VPS13C: variants seen among roughly 807,000 people sequenced by gnomAD.
VPS13C encodes vacuolar protein sorting 13 homolog C, also known as intermembrane lipid transfer protein VPS13C.
In VPS13C, 358 loss-of-function variants were observed where a neutral mutation model predicts 456.8. That is an observed-to-expected ratio of 0.78 (90% CI 0.72 to 0.86). VPS13C has a LOEUF of 0.86. Ranked by LOEUF, VPS13C falls within the 40% of genes least tolerant of loss-of-function variation. The pLI is 0.00. For missense variants in VPS13C, 4,818 were observed against 4,385.4 expected (o/e 1.10, Z -2.79); for synonymous variants, 1,578 against 1,486.7 (o/e 1.06, Z -1.41).
intron 44 of VPS13C, 31 bp downstream of exon 44, chr15:61,946,276 A>T: frequency 6.6e-7 from 1 of 1,512,088 alleles, no homozygotes; most frequent in Non-Finnish European, 9.0e-7. Context: ...GGCAAAATAA[A>T]TTCCAATATA....
At chr15:62,056,934 C>T (rs1255438260) in intron 1 of VPS13C, among the ~76,000 whole-genome samples, 3 of 152,078 alleles carry the variant, frequency 2.0e-5, no homozygotes, top group Non-Finnish European at 4.4e-5. Context: ...TGGAGATGAC[C>T]CACACTCTTT....
intron 27 of VPS13C, among the ~76,000 whole-genome samples, chr15:61,969,898 T>C (rs1452638176): frequency 6.6e-6 from 1 of 152,012 alleles, no homozygotes; most frequent in Non-Finnish European, 1.5e-5. Context: ...TAAAACGTGG[T>C]AATTTTTAAA....
intron 3 of VPS13C, among the ~76,000 whole-genome samples, chr15:62,035,811 T>C (rs963384580): frequency 2.0e-5 from 3 of 152,024 alleles, no homozygotes; most frequent in African/African-American, 7.2e-5. Context: ...CCTCCTGAGG[T>C]GAGCCCACAA....
At chr15:61,859,637 C>A (rs1174724522) in intron 82 of VPS13C, among the ~76,000 whole-genome samples, 1 of 152,146 alleles carries the variant, frequency 6.6e-6, no homozygotes, top group Non-Finnish European at 1.5e-5. Context: ...CTCCCTGACA[C>A]TTTTCCCATG....
chr15:61,863,583 AC>A, intron 81 of VPS13C, 55 bp from the exon 82 acceptor site: 9 of 1,138,874 alleles, frequency 7.9e-6, no homozygotes, highest in Non-Finnish European at 1.1e-5. Context: ...AGTAGTATTT[AC>A]AATACTGCAT....
In VPS13C at chr15:61,984,840, A is replaced by C. The variant is rs2045990856; in HGVS notation, c.1721+17T>G. 10 of 1,610,230 alleles carry C rather than the reference A, an allele frequency of 6.2e-6. No individual in the cohort carries two copies. Among genetic ancestry groups the C allele is most frequent in the Non-Finnish European group, 8.5e-6 (10 of 1,178,200 alleles). ...ATAACTAAAAGTAAAAATTGAAATA[A>C]GTTTTTAAAAACTTACTTAAGTGCT... On this transcript the variant is annotated intron_variant, in intron 19 of 84. Transcript: ENST00000644861.
At chr15:62,044,327 C>G in intron 1 of VPS13C, 72 bp from the exon 2 acceptor site, 1 of 942,230 alleles carries the variant, frequency 1.1e-6, no homozygotes, top group Non-Finnish European at 1.6e-6. Context: ...AATGTAGTAC[C>G]AAGCACTAAG....
chr15:61,983,997 T>C lies in VPS13C; in HGVS notation c.1737A>G (p.Leu579=), dbSNP rs770292929. The C allele has an allele frequency of 6.2e-7, 1 of 1,613,316 alleles. No individual in the cohort carries two copies. The highest frequency in any genetic ancestry group is 2.2e-5 in the East Asian group (1 of 44,858). ...TCAAACCTGTTATATACCAGTGTTCTAATTTCGCTTCTACCCTATAATCCA... is the reference window on the plus strand; with the variant it reads ...TCAAACCTGTTATATACCAGTGTTCCAATTTCGCTTCTACCCTATAATCCA... ...GAQALKVEAK[L]EHWYITGLRQ... The change falls in exon 20 of 85, where the codon TTA becomes TTG. Residue 579 remains leucine, a synonymous_variant. Coordinates refer to ENST00000644861, the MANE Select transcript of VPS13C (RefSeq NM_020821.3).
chr15:61,894,694 T>C (rs1032051679), intron 66 of VPS13C, among the ~76,000 whole-genome samples: 2 of 152,140 alleles, frequency 1.3e-5, no homozygotes, highest in African/African-American at 4.8e-5. Context: ...ATATAACAGT[T>C]GTAAATATAT....
Position 62,000,572 on chromosome 15 carries a change from G to C in VPS13C, c.1345C>G (p.Gln449Glu), listed in dbSNP as rs1315144180. The C allele has an allele frequency of 1.2e-6, 2 of 1,607,094 alleles. No individual in the cohort carries two copies. Among genetic ancestry groups the C allele is most frequent in the Non-Finnish European group, 1.7e-6 (2 of 1,177,572 alleles). ...CTAATAAAAATGATTACCTCAACTT[G>C]TGCTTGTTGCCTTGCTAAAATTATG... ...FNIILARQQA[Q>E]VEVIRSGQKL... The change falls in exon 16 of 85, where the codon CAA becomes GAA. Residue 449 changes from glutamine to glutamate, a missense_variant. Gln to Glu is a conservative substitution (Grantham distance 29). Coordinates refer to ENST00000644861, the MANE Select transcript of VPS13C (RefSeq NM_020821.3).
At chr15:61,862,542 CA>C (rs553895894) in intron 82 of VPS13C, among the ~76,000 whole-genome samples, 5 of 151,870 alleles carry the variant, frequency 3.3e-5, no homozygotes, top group East Asian at 1.9e-4. Flanking sequence ...ATATCTAAGA[CA>C]AAAAAACATT....
intron 1 of VPS13C, among the ~76,000 whole-genome samples, chr15:62,050,614 A>G (rs986676655): frequency 6.6e-5 from 10 of 152,180 alleles, no homozygotes; most frequent in African/African-American, 1.9e-4. Context: ...CCTTGCCAAC[A>G]TGGCGAAACC....
In VPS13C at chr15:61,868,727, G is replaced by T. The variant is rs1894776649; in HGVS notation, c.10795C>A (p.Leu3599Met). 6.2e-7 allele frequency: 1 copy of T among 1,614,144 alleles called. No homozygotes were observed. The highest frequency in any genetic ancestry group is 8.5e-7 in the Non-Finnish European group (1 of 1,180,024). The change falls in exon 81 of 85, where the codon CTG (leucine) becomes ATG (methionine). Residue 3599 changes from leucine (L) to methionine (M), a missense_variant. Transcript: ENST00000644861. ...CGAATGATGCCATCTTCATGGATCA[G>T]GCGAGGGGGACGGAGGCTAGATACT... ...EEVSSLRPPRLIHEDGIIRPY... is the reference protein window; with the variant it reads ...EEVSSLRPPRMIHEDGIIRPY...
At chr15:61,985,869 G>C (rs956323656) in intron 18 of VPS13C, among the ~76,000 whole-genome samples, 1 of 152,028 alleles carries the variant, frequency 6.6e-6, no homozygotes, top group Non-Finnish European at 1.5e-5. Flanking sequence ...ACAGCCTAGA[G>C]GCTGTGAAGC....
At chr15:62,003,199 C>T (rs2140471795) in intron 15 of VPS13C, among the ~76,000 whole-genome samples, 1 of 151,724 alleles carries the variant, frequency 6.6e-6, no homozygotes, top group African/African-American at 2.4e-5. Context: ...TTTCATTGAG[C>T]AGTGGTTTGT....
chr15:62,023,591 G>T, intron 7 of VPS13C, 71 bp from the exon 8 acceptor site: 1 of 1,221,622 alleles, frequency 8.2e-7, no homozygotes. Flanking sequence ...ATAACCAAAG[G>T]ATAGCTAAGG....
intron 1 of VPS13C, among the ~76,000 whole-genome samples, chr15:62,054,901 T>G (rs934720504): frequency 1.4e-4 from 22 of 152,184 alleles, no homozygotes; most frequent in African/African-American, 5.3e-4. Flanking sequence ...CAAAGGTTTT[T>G]GACATAATCT....
chr15:61,900,678 T>C (rs1434858788), intron 66 of VPS13C, among the ~76,000 whole-genome samples: 2 of 150,946 alleles, frequency 1.3e-5, no homozygotes, highest in African/African-American at 4.9e-5. Context: ...AAAATGGCCA[T>C]ACTGCCCAAG....
intron 5 of VPS13C, among the ~76,000 whole-genome samples, chr15:62,031,458 A>T (rs1028973656): frequency 6.6e-6 from 1 of 152,028 alleles, no homozygotes; most frequent in Non-Finnish European, 1.5e-5. Context: ...ATATTATTTG[A>T]AGATGTGACT....
Sources: allele counts gnomAD v4.1 joint callset (sites outside exome capture counted in the v4.1 genomes callset), GRCh38; gene constraint gnomAD v4.1.1; transcripts MANE v1.5; gene names NCBI Gene and HGNC (gene_info 2026-07-23, HGNC 2026-07-21).